The following RIF1 variants were observed in gnomAD, a reference collection of about 807,000 sequenced individuals.
The protein encoded by RIF1 is replication timing regulatory factor 1, also known as telomere-associated protein RIF1.
A neutral mutation model predicts 247.1 loss-of-function variants in RIF1; 45 were observed. That is an observed-to-expected ratio of 0.18 (90% CI 0.14 to 0.23). RIF1 has a LOEUF of 0.23. RIF1 is among the 10% of genes least tolerant of loss of function. The pLI is 1.00. For missense variants in RIF1, 2,967 were observed against 2,862.5 expected (o/e 1.04, Z -0.83); for synonymous variants, 1,087 against 978.8 (o/e 1.11, Z -2.06).
chr2:151,519,552 T>C, the RIF1 span: 3 of 819,882 alleles, frequency 3.7e-6, no homozygotes, highest in Non-Finnish European at 3.9e-6. Context: ...GTGACAGTAG[T>C]TGGATAATAT....
intron 10 of RIF1, chr2:151,497,798 A>G: frequency 6.5e-7 from 1 of 1,539,992 alleles, no homozygotes; most frequent in African/African-American, 1.4e-5. Context: ...TGAGGAAAAA[A>G]CACAGTCATC....
At chr2:151,456,250 A>G (rs1471388275) in intron 22 of RIF1, among the ~76,000 whole-genome samples, 1 of 152,222 alleles carries the variant, frequency 6.6e-6, no homozygotes, top group African/African-American at 2.4e-5. Context: ...ACAACCTCCA[A>G]ATCCATGAAC....
At chr2:151,530,958 A>C in the RIF1 span, 1 of 1,407,698 alleles carries the variant, frequency 7.1e-7, no homozygotes, top group Non-Finnish European at 1.0e-6. Flanking sequence ...AAGGAGGCCA[A>C]GATGAGAGGG....
chr2:151,413,245 C>G (rs756727464), intron 3 of RIF1, among the ~76,000 whole-genome samples: 7 of 151,866 alleles, frequency 4.6e-5, no homozygotes, highest in African/African-American at 9.7e-5. Context: ...GTTGATCAGG[C>G]TGGTCTCGAA....
intron 5 of RIF1, 41 bp downstream of exon 5, chr2:151,416,729 A>C: frequency 6.2e-7 from 1 of 1,603,950 alleles, no homozygotes; most frequent in Non-Finnish European, 8.5e-7. Context: ...ACTATATGCC[A>C]ATTAAAAGAA....
chr2:151,497,640 CTTGA>C lies in RIF1; in HGVS notation c.*514-1701_*514-1698del. 5.7e-6 allele frequency: 9 copies of C among 1,576,742 alleles called. No individual in the cohort carries two copies. The highest frequency in any genetic ancestry group is 7.8e-6 in the Non-Finnish European group (9 of 1,158,744). On this transcript the variant is annotated intron_variant and NMD_transcript_variant, in intron 10 of 13. Coordinates refer to the RIF1 transcript ENST00000454583. ...TGCCAAAGTACCGAGCTAATATTTTCTTGATTGTGTTTGACTCTTTCCATCTCGG... is the reference window on the plus strand; with the variant it reads ...TGCCAAAGTACCGAGCTAATATTTTCTTGTGTTTGACTCTTTCCATCTCGG...
rs1360402806 is a variant in RIF1, at chr2:151,464,058, C to T, written c.4538C>T (p.Ser1513Phe). The T allele has an allele frequency of 6.2e-7, 1 of 1,612,960 alleles. No individual in the cohort carries two copies. Reference sequence around the variant, plus strand: ...AAGGCAGACCCTGAGAACATTAAGTCTGAGGGGGATGGTACCCAGGACATT... The same window carrying T: ...AAGGCAGACCCTGAGAACATTAAGTTTGAGGGGGATGGTACCCAGGACATT... The part of the protein sequence containing the change: ...KKKADPENIK[S>F]EGDGTQDIVD... The change falls in exon 30 of 36, where the codon TCT (serine) becomes TTT (phenylalanine). Residue 1513 changes from serine to phenylalanine, a missense_variant. Transcript: ENST00000444746.
At chr2:151,494,304 T>A in intron 9 of RIF1, 1 of 1,278,922 alleles carries the variant, frequency 7.8e-7, no homozygotes, top group South Asian at 1.3e-5. Context: ...GAGTTAACAG[T>A]TACCAAAAAA....
At chr2:151,421,829 CAT>C (rs955569656) in intron 7 of RIF1, among the ~76,000 whole-genome samples, 4 of 151,628 alleles carry the variant, frequency 2.6e-5, no homozygotes, top group African/African-American at 7.3e-5. Context: ...ATTTTAGTGA[CAT>C]ATATAATTTT....
chr2:151,483,561 A>G (rs978716470), downstream of RIF1, among the ~76,000 whole-genome samples: 5 of 152,174 alleles, frequency 3.3e-5, no homozygotes, highest in African/African-American at 9.7e-5. Flanking sequence ...TCATCCCTCA[A>G]TATCCATGGG....
intron 1 of RIF1, 98 bp downstream of exon 1, chr2:151,410,131 TC>T (rs1685885269): frequency 1.5e-6 from 1 of 680,028 alleles, no homozygotes; most frequent in African/African-American, 1.8e-5. Flanking sequence ...TCCCCGGGCT[TC>T]TCCCGCCCTC....
In RIF1 at chr2:151,468,701, G is replaced by A. The variant is rs1261408936; in HGVS notation, c.6886G>A (p.Val2296Met). 1 of 1,613,878 alleles carries A rather than the reference G, an allele frequency of 6.2e-7. No individual in the cohort carries two copies. The highest frequency in any genetic ancestry group is 1.3e-5 in the African/African-American group (1 of 74,912). Residue 2296 changes from valine (V) to methionine (M), a missense_variant, in exon 33 of 36, where the codon GTG (valine) becomes ATG (methionine). Physicochemically the swap from Val to Met is conservative, Grantham distance 21. Around this residue, in one of 7 missense-constraint regions of RIF1, gnomAD observed 2,028 missense variants for 1,825.6 expected, o/e 1.11. Coordinates refer to ENST00000444746, the MANE Select transcript of RIF1 (RefSeq NM_018151.5). ...AACAGAAAGTGTTTACCCACCATTG[G>A]TGAACTGTGTGGCACCAGTTGACAT... ...CPTESVYPPL[V>M]NCVAPVDIIL...
chr2:151,454,574 T>G (rs1360646392), intron 21 of RIF1, among the ~76,000 whole-genome samples: 3 of 152,188 alleles, frequency 2.0e-5, no homozygotes, highest in Non-Finnish European at 2.9e-5. Context: ...TATTAGTTGT[T>G]GAAATTTTAT....
intron 9 of RIF1, among the ~76,000 whole-genome samples, chr2:151,429,623 T>C (rs539992869): frequency 1.3e-5 from 2 of 152,342 alleles, no homozygotes; most frequent in South Asian, 2.1e-4. Context: ...ACATAACCAG[T>C]AGATGATAGG....
At chr2:151,502,150 A>G (rs924027072) in intron 11 of RIF1, among the ~76,000 whole-genome samples, 1 of 152,186 alleles carries the variant, frequency 6.6e-6, no homozygotes, top group African/African-American at 2.4e-5. Flanking sequence ...GTTCTCACTG[A>G]TATGTGGGAA....
At position 151,490,391 on chromosome 2, in the gene RIF1, A is replaced by T. The variant is rs779322634; in HGVS notation, c.*416-4838A>T. 1.3e-6 allele frequency: 2 copies of T among 1,591,074 alleles called. No homozygotes were observed. The highest frequency in any genetic ancestry group is 4.6e-5 in the East Asian group (2 of 43,652). ...TTGTACCTGTTGAGACTGCAAAGAC[A>T]CCCCCGTCGCTGTAAGTCGAAAGGT... On this transcript the variant is annotated intron_variant and NMD_transcript_variant, in intron 9 of 13. Transcript: ENST00000454583.
chr2:151,410,455 C>A lies in RIF1; in HGVS notation c.32C>A (p.Pro11Gln), dbSNP rs1014018455. The change falls in exon 2 of 36, where the codon CCG becomes CAG. Residue 11 changes from proline to glutamine, a missense_variant. By Grantham distance (76) the Pro-to-Gln change is moderately conservative. This residue lies in a region of RIF1 where 269 missense variants were observed against 288.6 expected (regional missense o/e 0.93). Transcript: ENST00000444746. MTARGQSPLA[P>Q]LLETLEDPSA... ...GCCAGGGGTCAGAGCCCCCTCGCGC[C>A]GCTGTTGGAGACTTTGGAAGACCCT... The A allele has an allele frequency of 6.2e-7, 1 of 1,614,040 alleles. No homozygotes were observed. The highest frequency in any genetic ancestry group is 2.2e-5 in the East Asian group (1 of 44,856).
intron 11 of RIF1, chr2:151,499,678 A>G (rs1016901862): frequency 1.8e-5 from 5 of 283,194 alleles, no homozygotes; most frequent in African/African-American, 1.1e-4. Flanking sequence ...TAAGACCACT[A>G]AAATACTCAG....
downstream of RIF1, among the ~76,000 whole-genome samples, chr2:151,510,210 C>T (rs931296480): frequency 7.2e-5 from 11 of 152,072 alleles, no homozygotes; most frequent in Admixed American, 6.6e-4. Context: ...TCTTCAGACC[C>T]CCAATAAACT....
Sources: allele counts gnomAD v4.1 joint callset (sites outside exome capture counted in the v4.1 genomes callset), GRCh38; gene constraint gnomAD v4.1.1; regional missense constraint gnomAD v4.1.1; transcripts MANE v1.5; gene names NCBI Gene and HGNC (gene_info 2026-07-23, HGNC 2026-07-21).